The following TUSC3 variants were observed in gnomAD, a reference collection of about 807,000 sequenced individuals.
TUSC3 encodes the protein tumor suppressor candidate 3.
In TUSC3, 45 loss-of-function variants were observed where a neutral mutation model predicts 44.8. That is an observed-to-expected ratio of 1.00 (90% CI 0.79 to 1.29). The LOEUF (loss-of-function observed/expected upper bound fraction) is 1.29, where lower values mean the gene tolerates loss of function less well. Among genes scored for constraint, TUSC3 ranks in the 50% most tolerant of loss-of-function variants. The probability of loss-of-function intolerance (pLI) is 0.00; values close to 1 mark genes in which losing one functional copy is unlikely to be tolerated. For synonymous variants in TUSC3, 212 were observed against 152.9 expected (o/e 1.39, Z -2.85); for missense variants, 519 against 437.9 (o/e 1.19, Z -1.65).
chr8:15,639,640 CT>C (rs1357607887), intron 2 of TUSC3, among the ~76,000 whole-genome samples: 1 of 152,060 alleles, frequency 6.6e-6, no homozygotes, highest in African/African-American at 2.4e-5. Flanking sequence ...TACAATTCAT[CT>C]TTGTATTATT....
intron 6 of TUSC3, among the ~76,000 whole-genome samples, chr8:15,686,412 C>G (rs13251503): frequency 2.0e-5 from 3 of 151,840 alleles, no homozygotes; most frequent in South Asian, 2.1e-4. Context: ...TAAAACTAAG[C>G]GTTATATTCT....
chr8:15,428,049 A>G (rs185058973), intron 1 of TUSC3, among the ~76,000 whole-genome samples: 1 of 151,344 alleles, frequency 6.6e-6, no homozygotes, highest in African/African-American at 2.4e-5. Flanking sequence ...TACATGTGCC[A>G]TGTTGGTGTG....
At position 15,548,810 on chromosome 8, in the gene TUSC3, A is replaced by T. The variant is rs1004204801; in HGVS notation, c.138+8242A>T. ...TTCTCCTTCTACCCTATGTTTTAAT[A>T]ACTAGCTATACAACGCTATTTGTCA... On this transcript the variant is annotated intron_variant, in intron 1 of 10. Coordinates refer to ENST00000503731, the MANE Select transcript of TUSC3 (RefSeq NM_006765.4). Among the ~76,000 whole-genome samples, 2 of 151,838 alleles carry T rather than the reference A, an allele frequency of 1.3e-5. 1 individual carries two copies. The highest frequency in any genetic ancestry group is 1.3e-4 in the Admixed American group (2 of 15,224).
the TUSC3 span, among the ~76,000 whole-genome samples, chr8:15,846,873 AT>A: frequency 7.4e-6 from 1 of 135,400 alleles, no homozygotes; most frequent in Non-Finnish European, 1.6e-5. Flanking sequence ...TATAATGATA[AT>A]TTGAAAAAAA....
At chr8:15,741,678 C>A (rs1811203190) in intron 7 of TUSC3, among the ~76,000 whole-genome samples, 1 of 150,992 alleles carries the variant, frequency 6.6e-6, no homozygotes. Context: ...CAAAGTGAAA[C>A]TGTGTCTCTA....
chr8:15,523,694 G>GTATATATATATA (rs1563273670), intron 2 of TUSC3, among the ~76,000 whole-genome samples: 2 of 44,354 alleles, frequency 4.5e-5, no homozygotes, highest in African/African-American at 1.6e-4. Context: ...GTGTGTGTGT[G>GTATATATATATA]TGTGTGTGTG....
At chr8:15,754,192 T>G (rs1245790684) in intron 9 of TUSC3, among the ~76,000 whole-genome samples, 7 of 152,082 alleles carry the variant, frequency 4.6e-5, no homozygotes, top group African/African-American at 1.7e-4. Context: ...CAACACATAC[T>G]CCCGAAGGTA....
intron 7 of TUSC3, among the ~76,000 whole-genome samples, chr8:15,738,818 T>C (rs1811046194): frequency 7.0e-6 from 1 of 143,134 alleles, no homozygotes; most frequent in Admixed American, 7.2e-5. Context: ...TTACTATTAA[T>C]ATATCTTGCT....
chr8:15,701,467 C>T (rs917759732), intron 6 of TUSC3, among the ~76,000 whole-genome samples: 2 of 151,984 alleles, frequency 1.3e-5, no homozygotes, highest in Admixed American at 1.3e-4. Flanking sequence ...AATAATATTA[C>T]CAGAATAGTG....
intron 1 of TUSC3, among the ~76,000 whole-genome samples, chr8:15,589,901 G>T (rs900995996): frequency 2.0e-5 from 3 of 152,186 alleles, no homozygotes; most frequent in Non-Finnish European, 4.4e-5. Context: ...TATCCCTAGT[G>T]AGGATAGAGT....
At chr8:15,585,214 T>C (rs12546295) in intron 1 of TUSC3, among the ~76,000 whole-genome samples, 61,161 of 151,956 alleles carry the variant, frequency 0.4, 14,151 homozygotes, top group Non-Finnish European at 0.52. Flanking sequence ...GGGAGCTATA[T>C]AGGGGGACAG....
chr8:15,667,297 C>T (rs550965571), intron 5 of TUSC3, among the ~76,000 whole-genome samples: 2 of 151,320 alleles, frequency 1.3e-5, no homozygotes, highest in Non-Finnish European at 3.0e-5. Context: ...GTAACTAAAG[C>T]AGTATATAGA....
At chr8:15,481,822 A>G (rs1800665725) in intron 1 of TUSC3, among the ~76,000 whole-genome samples, 1 of 152,202 alleles carries the variant, frequency 6.6e-6, no homozygotes, top group South Asian at 2.1e-4. Context: ...ATGTTAATGG[A>G]TGCTGACTGA....
intron 8 of TUSC3, among the ~76,000 whole-genome samples, chr8:15,745,503 G>C (rs1592681): frequency 6.6e-6 from 1 of 151,984 alleles, no homozygotes; most frequent in Non-Finnish European, 1.5e-5. Flanking sequence ...ATTCTGACTG[G>C]AGTGAGATGG....
At chr8:15,843,621 T>TATATATATATATATATATATACACAC in the TUSC3 span, among the ~76,000 whole-genome samples, 48 of 146,748 alleles carry the variant, frequency 3.3e-4, no homozygotes, top group African/African-American at 1.2e-3. Context: ...TATATATATA[T>TATATATATATATATATATATACACAC]ACACGCACAT....
intron 1 of TUSC3, among the ~76,000 whole-genome samples, chr8:15,575,742 G>A (rs930928674): frequency 2.0e-5 from 3 of 152,136 alleles, no homozygotes; most frequent in Non-Finnish European, 4.4e-5. Context: ...ACTCCAGCTT[G>A]GGTGACAGAG....
the TUSC3 span, among the ~76,000 whole-genome samples, chr8:15,792,488 G>C: frequency 6.6e-6 from 1 of 152,174 alleles, no homozygotes; most frequent in Non-Finnish European, 1.5e-5. Flanking sequence ...AAAACACACA[G>C]CCATAATGAG....
the TUSC3 span, among the ~76,000 whole-genome samples, chr8:15,839,948 C>A: frequency 3.3e-5 from 5 of 152,212 alleles, no homozygotes; most frequent in East Asian, 9.7e-4. Context: ...TGTGGCACTA[C>A]TCACAATAGC....
At chr8:15,418,911 T>C (rs541423481) in intron 1 of TUSC3, among the ~76,000 whole-genome samples, 3 of 152,184 alleles carry the variant, frequency 2.0e-5, no homozygotes, top group South Asian at 2.1e-4. Context: ...GAAGCTGAGA[T>C]AGGAGGATCA....
Sources: gnomAD v4.1 joint callset for allele counts (sites outside exome capture counted in the v4.1 genomes callset) on GRCh38, gnomAD v4.1.1 for gene constraint, MANE v1.5 for transcripts, NCBI Gene and HGNC (gene_info 2026-07-23, HGNC 2026-07-21) for gene names.